The following CADPS2 variants were observed in gnomAD, a reference collection of about 807,000 sequenced individuals.
The protein encoded by CADPS2 is calcium dependent secretion activator 2.
Under a neutral mutation model 172.5 loss-of-function variants are expected in CADPS2, and 93 were observed. The ratio of observed to expected loss-of-function variants is 0.54; its 90% CI spans 0.46 to 0.64. CADPS2 has a LOEUF of 0.64. Ranked by LOEUF, CADPS2 falls within the 30% of genes least tolerant of loss-of-function variation. The probability of loss-of-function intolerance (pLI) is 0.00; values close to 1 mark genes in which losing one functional copy is unlikely to be tolerated. For synonymous variants in CADPS2, 546 were observed against 555.2 expected, an observed-to-expected ratio of 0.98 and a Z score of 0.23; for missense variants, 1,420 against 1,565.9, an observed-to-expected ratio of 0.91 and a Z score of 1.57.
intron 2 of CADPS2, among the ~76,000 whole-genome samples, chr7:122,714,555 C>T (rs947319078): frequency 4.6e-5 from 7 of 151,768 alleles, no homozygotes; most frequent in African/African-American, 7.3e-5. Context: ...AGTGGAGAGA[C>T]GAAGGACCCA....
intron 1 of CADPS2, among the ~76,000 whole-genome samples, chr7:122,807,444 T>C (rs1173718756): frequency 3.9e-5 from 6 of 152,232 alleles, no homozygotes; most frequent in African/African-American, 1.4e-4. Flanking sequence ...GGACCAACTC[T>C]GGCCTGGACA....
intron 13 of CADPS2, among the ~76,000 whole-genome samples, chr7:122,472,767 T>C (rs757513889): frequency 6.6e-6 from 1 of 152,150 alleles, no homozygotes; most frequent in Admixed American, 6.5e-5. Flanking sequence ...CTCCATGTGA[T>C]TGTAAAGTTT....
intron 2 of CADPS2, among the ~76,000 whole-genome samples, chr7:122,693,659 T>C (rs1459610239): frequency 2.6e-5 from 4 of 152,082 alleles, no homozygotes; most frequent in African/African-American, 7.2e-5. Context: ...ATGGGGACTA[T>C]AAAAGGGAGT....
chr7:122,533,553 T>C (rs956305501), intron 8 of CADPS2, among the ~76,000 whole-genome samples: 3 of 152,172 alleles, frequency 2.0e-5, no homozygotes, highest in African/African-American at 7.2e-5. Flanking sequence ...ACCAATATAA[T>C]GGGGCTAATG....
chr7:122,560,723 A>G (rs1378454544), intron 7 of CADPS2, among the ~76,000 whole-genome samples: 1 of 152,172 alleles, frequency 6.6e-6, no homozygotes, highest in Non-Finnish European at 1.5e-5. Context: ...TTTTGGGTTT[A>G]GTTGATGTTT....
At chr7:122,491,692 A>G (rs1378755360) in intron 9 of CADPS2, among the ~76,000 whole-genome samples, 1 of 152,152 alleles carries the variant, frequency 6.6e-6, no homozygotes, top group East Asian at 1.9e-4. Flanking sequence ...GAAGCACCAT[A>G]AATAAGTATT....
At chr7:122,594,788 C>G (rs936625161) in intron 6 of CADPS2, among the ~76,000 whole-genome samples, 1 of 151,592 alleles carries the variant, frequency 6.6e-6, no homozygotes, top group Non-Finnish European at 1.5e-5. Context: ...TACAATTTTA[C>G]TTGACCAAGT....
chr7:122,776,083 A>G (rs555299514), intron 1 of CADPS2, among the ~76,000 whole-genome samples: 1 of 152,302 alleles, frequency 6.6e-6, no homozygotes, highest in African/African-American at 2.4e-5. Flanking sequence ...TTATATACCA[A>G]CTATATGGTT....
At chr7:122,331,386 C>T (rs779097646) in intron 28 of CADPS2, among the ~76,000 whole-genome samples, 1 of 152,058 alleles carries the variant, frequency 6.6e-6, no homozygotes, top group Non-Finnish European at 1.5e-5. Flanking sequence ...GCCTGTAATC[C>T]CAGCACTTTG....
At chr7:122,498,903 C>A (rs559427210) in intron 9 of CADPS2, among the ~76,000 whole-genome samples, 2 of 152,164 alleles carry the variant, frequency 1.3e-5, no homozygotes, top group East Asian at 3.9e-4. Flanking sequence ...AGATTGTGAG[C>A]TAATAATAAA....
intron 2 of CADPS2, among the ~76,000 whole-genome samples, chr7:122,678,822 T>C (rs983585700): frequency 1.3e-5 from 2 of 151,988 alleles, no homozygotes; most frequent in Non-Finnish European, 2.9e-5. Context: ...TTTAGCAGAA[T>C]GTTGCAGGAA....
intron 5 of CADPS2, among the ~76,000 whole-genome samples, chr7:122,617,889 A>G (rs972188821): frequency 2.0e-5 from 3 of 152,124 alleles, no homozygotes. Flanking sequence ...TAAAAATACA[A>G]AAAATTAGCC....
chr7:122,618,335 T>A (rs2075201640), intron 5 of CADPS2, among the ~76,000 whole-genome samples: 1 of 152,178 alleles, frequency 6.6e-6, no homozygotes. Context: ...GCACTTTCAA[T>A]ACTTCAGTAA....
At chr7:122,513,389 C>A in intron 8 of CADPS2, 74 bp from the exon 9 acceptor site, 2 of 1,218,994 alleles carry the variant, frequency 1.6e-6, no homozygotes, top group Non-Finnish European at 2.3e-6. Context: ...ACATTTCTTC[C>A]ATAGGTATTT....
chr7:122,670,252 G>A (rs184240842), intron 2 of CADPS2, among the ~76,000 whole-genome samples: 10 of 151,886 alleles, frequency 6.6e-5, no homozygotes, highest in East Asian at 2.0e-4. Context: ...CACCAAAATC[G>A]TCACCATGGC....
intron 6 of CADPS2, among the ~76,000 whole-genome samples, chr7:122,603,308 TC>T (rs1481385562): frequency 4.7e-5 from 7 of 147,564 alleles, no homozygotes; most frequent in Admixed American, 2.0e-4. Context: ...AAAAGCACAT[TC>T]CGCTTCATAA....
At chr7:122,715,047 G>A (rs1292998218) in intron 2 of CADPS2, among the ~76,000 whole-genome samples, 3 of 152,062 alleles carry the variant, frequency 2.0e-5, no homozygotes, top group African/African-American at 7.2e-5. Context: ...CAGACTTCTG[G>A]CCTCCACAAC....
chr7:122,570,984 G>A (rs2067180833), intron 7 of CADPS2, among the ~76,000 whole-genome samples: 1 of 151,978 alleles, frequency 6.6e-6, no homozygotes. Context: ...GTATACATAT[G>A]TAACTAACCT....
intron 2 of CADPS2, chr7:122,676,742 T>A: frequency 7.1e-7 from 1 of 1,417,966 alleles, no homozygotes; most frequent in Non-Finnish European, 9.8e-7. Context: ...CAGAGGCAGA[T>A]CCAGATTATC....
Sources: gnomAD v4.1 joint callset for allele counts (sites outside exome capture counted in the v4.1 genomes callset) on GRCh38, gnomAD v4.1.1 for gene constraint, MANE v1.5 for transcripts, NCBI Gene and HGNC (gene_info 2026-07-23, HGNC 2026-07-21) for gene names.